The following SLC30A5 variants were observed in gnomAD, a reference collection of about 807,000 sequenced individuals.
SLC30A5 encodes proton-coupled zinc antiporter SLC30A5.
In SLC30A5, 33 loss-of-function variants were observed where a neutral mutation model predicts 79.6. The ratio of observed to expected loss-of-function variants is 0.41; its 90% CI spans 0.31 to 0.55. The LOEUF is 0.55. SLC30A5 is among the 20% of genes least tolerant of loss of function. The probability of loss-of-function intolerance (pLI) is 0.20; values close to 1 mark genes in which losing one functional copy is unlikely to be tolerated. For missense variants in SLC30A5, 788 were observed against 928.1 expected (o/e 0.85, Z 1.96); for synonymous variants, 299 against 319.7 (o/e 0.94, Z 0.69).
rs1425582351 is a variant in SLC30A5 at position 69,094,136 on chromosome 5, G to A, written c.-120G>A. ...GCGGCAGTGGCGGCCCGGCCTGCAGGAGCCCGACGGGGTCTCTGCCATGGG... is the reference window on the plus strand; with the variant it reads ...GCGGCAGTGGCGGCCCGGCCTGCAGAAGCCCGACGGGGTCTCTGCCATGGG... On this transcript the variant is annotated 5_prime_UTR_variant, in exon 1 of 16. Transcript: ENST00000396591. The A allele has an allele frequency of 2.0e-6, 1 of 495,110 alleles. No individual in the cohort carries two copies. The highest frequency in any genetic ancestry group is 3.3e-6 in the Non-Finnish European group (1 of 304,752). 30.7% of individuals were successfully genotyped at this position (495,110 alleles called of 1,614,324 possible). A position where few individuals can be genotyped will look rare whatever the true frequency, so the allele number is the denominator to read the frequency against.
At chr5:69,100,101 T>C (rs897285985) in intron 1 of SLC30A5, among the ~76,000 whole-genome samples, 2 of 152,124 alleles carry the variant, frequency 1.3e-5, no homozygotes, top group Admixed American at 1.3e-4. Context: ...CCCAGGTGGC[T>C]GGAATTACAG....
intron 4 of SLC30A5, among the ~76,000 whole-genome samples, chr5:69,106,800 A>G (rs1189010276): frequency 6.6e-6 from 1 of 152,002 alleles, no homozygotes; most frequent in East Asian, 1.9e-4. Context: ...ACATTGTACA[A>G]CTGTACAAAA....
chr5:69,126,362 G>T (rs189124602), intron 14 of SLC30A5, among the ~76,000 whole-genome samples: 1 of 152,090 alleles, frequency 6.6e-6, no homozygotes, highest in South Asian at 2.1e-4. Context: ...ATGTTGCCCG[G>T]GCTGGTCTTG....
Position 69,117,231 on chromosome 5 carries a change from AT to A in SLC30A5, c.1282-3del. 1.9e-6 allele frequency: 3 copies of A among 1,604,166 alleles called. No homozygotes were observed. The highest frequency in any genetic ancestry group is 2.6e-6 in the Non-Finnish European group (3 of 1,175,004). ...TACTCCTCCCTTTTTTTTTGGTGACATTTTTAGCTTTTTACCTTTGTGGAAT... is the reference window on the plus strand; with the variant it reads ...TACTCCTCCCTTTTTTTTTGGTGACATTTTAGCTTTTTACCTTTGTGGAAT... On this transcript the variant is annotated splice_polypyrimidine_tract_variant and splice_region_variant and intron_variant, in intron 10 of 15. Coordinates refer to ENST00000396591, the MANE Select transcript of SLC30A5 (RefSeq NM_022902.5).
At chr5:69,109,637 T>C (rs1189550010) in intron 5 of SLC30A5, among the ~76,000 whole-genome samples, 1 of 152,188 alleles carries the variant, frequency 6.6e-6, no homozygotes. Context: ...TAAAAACTTG[T>C]TAAATTTAAA....
At chr5:69,101,804 A>C (rs1325907317) in intron 2 of SLC30A5, among the ~76,000 whole-genome samples, 2 of 150,626 alleles carry the variant, frequency 1.3e-5, no homozygotes, top group East Asian at 4.2e-4. Context: ...TAAAGATACA[A>C]AAATTAGCCA....
rs748907276 is a variant in SLC30A5, at chr5:69,128,067, A to G, written c.2062A>G (p.Ile688Val). The G allele has an allele frequency of 1.9e-6, 3 of 1,612,398 alleles. No individual in the cohort carries two copies. The highest frequency in any genetic ancestry group is 1.3e-5 in the African/African-American group (1 of 74,980). The change falls in exon 15 of 16, where the codon ATT becomes GTT. Residue 688 changes from isoleucine (I) to valine (V), a missense_variant. Transcript: ENST00000396591. ...DPHFWRHSAS[I>V]VAGTIHIQVT... ...TCATTTTTGGCGTCATTCTGCTAGT[A>G]TTGTGGCAGGAACAATTCATATACA... is the stretch of plus-strand genomic sequence containing the variant.
intron 6 of SLC30A5, among the ~76,000 whole-genome samples, chr5:69,114,064 C>G (rs1012606963): frequency 2.0e-5 from 3 of 152,236 alleles, no homozygotes; most frequent in Admixed American, 6.5e-5. Context: ...CAGGAGTGGT[C>G]CAGGGAGATT....
intron 12 of SLC30A5, 36 bp downstream of exon 12, chr5:69,118,664 C>CAT (rs1746451852): frequency 1.3e-6 from 2 of 1,511,472 alleles, no homozygotes; most frequent in Non-Finnish European, 1.8e-6. Context: ...GATTTCTAGT[C>CAT]ATACTTACAT....
chr5:69,106,849 T>C (rs1746093881), intron 4 of SLC30A5, among the ~76,000 whole-genome samples: 1 of 152,170 alleles, frequency 6.6e-6, no homozygotes, highest in Non-Finnish European at 1.5e-5. Flanking sequence ...AAGCTTTTTT[T>C]CTGTTTTTAA....
intron 12 of SLC30A5, among the ~76,000 whole-genome samples, chr5:69,121,332 G>A (rs960746083): frequency 1.3e-5 from 2 of 152,060 alleles, no homozygotes; most frequent in Non-Finnish European, 2.9e-5. Flanking sequence ...AAAGATTTCA[G>A]GTACAGTGTA....
Position 69,100,886 on chromosome 5 carries a change from A to C in SLC30A5, c.163A>C (p.Lys55Gln). Residue 55 changes from lysine (K) to glutamine (Q), a missense_variant, in exon 2 of 16, where the codon AAA (lysine) becomes CAA (glutamine). Transcript: ENST00000396591. ...VGLFESYDLL[K>Q]AVHIVQFIFI... ...ACTTTTCGAATCATATGATCTCCTA[A>C]AAGCTGTTCACATTGTTCAGTTCAT... The C allele has an allele frequency of 6.3e-7, 1 of 1,598,220 alleles. No homozygotes were observed. Among genetic ancestry groups the C allele is most frequent in the Non-Finnish European group, 8.5e-7 (1 of 1,170,208 alleles).
chr5:69,113,311 G>A, intron 6 of SLC30A5, 84 bp downstream of exon 6: 3 of 926,370 alleles, frequency 3.2e-6, no homozygotes, highest in Non-Finnish European at 5.0e-6. Flanking sequence ...AAGGATAAGT[G>A]AATTAAACTG....
chr5:69,113,318 A>T, intron 6 of SLC30A5, 91 bp downstream of exon 6: 2 of 890,118 alleles, frequency 2.2e-6, no homozygotes. Flanking sequence ...AGTGAATTAA[A>T]CTGATCAATG....
rs918677503 is a variant in SLC30A5 at position 69,094,179 on chromosome 5, C to T, written c.-77C>T. 9.0e-6 allele frequency: 7 copies of T among 774,960 alleles called. No individual in the cohort carries two copies. The Admixed American group carries it at 1.3e-4, about 14-fold the overall frequency. The allele number at this position is 774,960 out of a possible 1,614,324, so 48.0% of individuals were successfully genotyped here. On this transcript the variant is annotated 5_prime_UTR_variant, in exon 1 of 16. Transcript: ENST00000396591. ...GCCATGGGGGAGTGACGCGCCTGCA[C>T]CCGCTGTTCCGCGGCAGCGGCGAGA...
chr5:69,103,040 A>AT (rs763225921), intron 2 of SLC30A5, 22 bp from the exon 3 acceptor site: 1 of 1,239,374 alleles, frequency 8.1e-7, no homozygotes, highest in East Asian at 2.3e-5. Context: ...ATATTAATAT[A>AT]TTAATGTTTC....
At chr5:69,104,385 G>A in intron 3 of SLC30A5, 1 of 973,720 alleles carries the variant, frequency 1.0e-6, no homozygotes, top group Non-Finnish European at 1.3e-6. Flanking sequence ...CAGGTGATCT[G>A]CCTGCCTCGG....
chr5:69,115,931 A>C lies in SLC30A5; in HGVS notation c.789A>C (p.Lys263Asn). The change falls in exon 9 of 16, where the codon AAA (lysine) becomes AAC (asparagine). Residue 263 changes from lysine (K) to asparagine (N), a missense_variant. By Grantham distance (94) the Lys-to-Asn change is moderately conservative. Coordinates refer to ENST00000396591, the MANE Select transcript of SLC30A5 (RefSeq NM_022902.5). ...TTCTTTTTTTTAATTTCTAGAGTAA[A>C]GTGGAGTCTTGGTTTTCTCTCATTA... Reference protein sequence around the residue: ...VIVLSVTTESKVESWFSLIMP... With the variant: ...VIVLSVTTESNVESWFSLIMP... 6.2e-7 allele frequency: 1 copy of C among 1,606,694 alleles called. No homozygotes were observed.
In SLC30A5 at chr5:69,129,558, G is replaced by C; in HGVS notation, c.2239G>C (p.Ala747Pro). ...GLSTGFHDVL[A>P]MTKQMESMKY... The stretch of plus-strand genomic sequence containing the variant: ...AAGTACTGGATTTCATGATGTTCTG[G>C]CTATGACAAAACAAATGGAATCCAT... Residue 747 changes from alanine to proline, a missense_variant, in exon 16 of 16, where the codon GCT becomes CCT. Physicochemically the swap from Ala to Pro is conservative, Grantham distance 27. This residue lies in a region of SLC30A5 where 158 missense variants were observed against 156.2 expected (regional missense o/e 1.01). Transcript: ENST00000396591. 6.2e-7 allele frequency: 1 copy of C among 1,613,290 alleles called. No homozygotes were observed. Among genetic ancestry groups the C allele is most frequent in the Non-Finnish European group, 8.5e-7 (1 of 1,179,668 alleles).
Sources: gnomAD v4.1 joint callset for allele counts (sites outside exome capture counted in the v4.1 genomes callset) on GRCh38, gnomAD v4.1.1 for gene constraint, gnomAD v4.1.1 regional missense constraint, MANE v1.5 for transcripts, NCBI Gene and HGNC (gene_info 2026-07-23, HGNC 2026-07-21) for gene names.